The following HGF variants were observed in gnomAD, a reference collection of about 807,000 sequenced individuals.
The protein encoded by HGF is fibroblast-derived tumor cytotoxic factor.
HGF carries 39 observed loss-of-function variants against 111.6 expected under a neutral mutation model. The ratio of observed to expected loss-of-function variants is 0.35; its 90% CI spans 0.27 to 0.46. HGF has a LOEUF of 0.46. Among genes scored for constraint, HGF ranks in the 20% least tolerant of loss-of-function variants. HGF has a pLI of 1.00. For synonymous variants in HGF, 285 were observed against 294.8 expected (o/e 0.97, Z 0.34); for missense variants, 735 against 910.5 (o/e 0.81, Z 2.48).
intron 4 of HGF, among the ~76,000 whole-genome samples, chr7:81,754,348 A>G (rs1417218626): frequency 2.6e-5 from 4 of 151,990 alleles, no homozygotes; most frequent in Non-Finnish European, 5.9e-5. Flanking sequence ...AGTTTGAGAG[A>G]GGATTTTTGT....
chr7:81,711,415 A>C, intron 12 of HGF, 66 bp downstream of exon 12: 1 of 830,334 alleles, frequency 1.2e-6, no homozygotes, highest in South Asian at 1.9e-5. Context: ...TTTGAAAGAA[A>C]TAATGACACT....
At chr7:81,739,169 A>G (rs1562889310) in intron 7 of HGF, among the ~76,000 whole-genome samples, 1 of 151,950 alleles carries the variant, frequency 6.6e-6, no homozygotes, top group African/African-American at 2.4e-5. Flanking sequence ...TCCCTATCCC[A>G]TTTCCTAGTA....
At chr7:81,741,938 CAAAAAAAAAAAAA>C (rs71520767) in intron 7 of HGF, among the ~76,000 whole-genome samples, 3 of 46,336 alleles carry the variant, frequency 6.5e-5, no homozygotes, top group African/African-American at 2.4e-4. Flanking sequence ...AACTCCATCT[CAAAAAAAAAAAAA>C]AAAAAAAAAA....
At chr7:81,750,899 G>A (rs766533113) in intron 5 of HGF, 30 of 839,608 alleles carry the variant, frequency 3.6e-5, no homozygotes, top group Admixed American at 6.2e-5. Context: ...TGTTCAAAAC[G>A]TGATCATAGA....
At chr7:81,757,683 ACC>A (rs1237856021) in intron 3 of HGF, among the ~76,000 whole-genome samples, 4 of 152,172 alleles carry the variant, frequency 2.6e-5, no homozygotes, top group Non-Finnish European at 4.4e-5. Context: ...TCAAAAAGTT[ACC>A]TAAGATAATT....
In HGF at chr7:81,729,709, G is replaced by A. The variant is rs773660386; in HGVS notation, c.936C>T (p.Gly312=). The change falls in exon 8 of 18, where the codon GGC becomes GGT. Residue 312 remains glycine, a synonymous_variant. Coordinates refer to ENST00000222390, the MANE Select transcript of HGF (RefSeq NM_000601.6). ...TTECIQGQGE[G]YRGTVNTIWN... is the part of the protein sequence containing the mutation. ...AAATGGTATTGACAGTGCCCCTGTA[G>A]CCTTCTCCTTGACCTTGGATGCATT... The A allele has an allele frequency of 6.2e-7, 1 of 1,613,604 alleles. No homozygotes were observed. The highest frequency in any genetic ancestry group is 1.1e-5 in the South Asian group (1 of 91,072).
chr7:81,709,867 T>C (rs567802522), intron 13 of HGF, among the ~76,000 whole-genome samples: 10 of 152,144 alleles, frequency 6.6e-5, no homozygotes, highest in Non-Finnish European at 1.0e-4. Flanking sequence ...TCCTCCGTAT[T>C]TTGCTTAATC....
intron 7 of HGF, chr7:81,742,942 T>A: frequency 6.2e-7 from 1 of 1,612,962 alleles, no homozygotes; most frequent in Non-Finnish European, 8.5e-7. Context: ...AGAGCCCATG[T>A]TATGTCTCTG....
chr7:81,759,967 T>A (rs1788985304), intron 2 of HGF, among the ~76,000 whole-genome samples: 1 of 152,192 alleles, frequency 6.6e-6, no homozygotes, highest in African/African-American at 2.4e-5. Context: ...ATAAATTTGT[T>A]TTTAAGTGAT....
chr7:81,706,974 G>GA (rs59586842), intron 14 of HGF, among the ~76,000 whole-genome samples: 10,662 of 147,344 alleles, frequency 0.072, 1,247 homozygotes, highest in African/African-American at 0.25. Context: ...TGACAATTTA[G>GA]AAAAAAAAAA....
At chr7:81,721,073 G>A (rs1789844978) in intron 9 of HGF, among the ~76,000 whole-genome samples, 1 of 152,046 alleles carries the variant, frequency 6.6e-6, no homozygotes, top group Admixed American at 6.6e-5. Flanking sequence ...GTGAAACCCT[G>A]TCTCTACTTT....
intron 5 of HGF, among the ~76,000 whole-genome samples, chr7:81,747,427 G>C (rs1788314531): frequency 6.6e-6 from 1 of 152,164 alleles, no homozygotes; most frequent in Non-Finnish European, 1.5e-5. Flanking sequence ...ATAGATGAGA[G>C]TTGGATAAAT....
chr7:81,769,870 A>G lies in HGF; in HGVS notation c.88+14T>C, dbSNP rs763175650. Reference sequence around the variant, plus strand: ...ATACTAATACTAATAATGAAGAAGAAGAAGGGAACTAACCTGCATAGGGGA... The same window carrying G: ...ATACTAATACTAATAATGAAGAAGAGGAAGGGAACTAACCTGCATAGGGGA... On this transcript the variant is annotated intron_variant, in intron 1 of 17. Coordinates refer to ENST00000222390, the MANE Select transcript of HGF (RefSeq NM_000601.6). The G allele has an allele frequency of 4.5e-6, 7 of 1,546,418 alleles. No individual in the cohort carries two copies. The highest frequency in any genetic ancestry group is 6.1e-6 in the Non-Finnish European group (7 of 1,139,792).
intron 1 of HGF, among the ~76,000 whole-genome samples, chr7:81,768,684 A>G (rs1207804330): frequency 6.6e-6 from 1 of 152,128 alleles, no homozygotes; most frequent in Admixed American, 6.5e-5. Context: ...CGACCCTGTG[A>G]AGCGATTTTA....
intron 13 of HGF, among the ~76,000 whole-genome samples, chr7:81,707,768 A>T (rs1304957222): frequency 2.0e-5 from 3 of 152,166 alleles, no homozygotes; most frequent in African/African-American, 7.2e-5. Flanking sequence ...TTAAAAATGC[A>T]AAGTTGAGTT....
chr7:81,724,921 G>A (rs1342308493), intron 9 of HGF, among the ~76,000 whole-genome samples: 1 of 152,182 alleles, frequency 6.6e-6, no homozygotes, highest in Non-Finnish European at 1.5e-5. Context: ...CCCTGAGGCA[G>A]TTATCTTCAA....
intron 2 of HGF, among the ~76,000 whole-genome samples, chr7:81,759,661 C>T (rs1260840491): frequency 3.9e-5 from 6 of 152,002 alleles, no homozygotes; most frequent in South Asian, 2.1e-4. Flanking sequence ...CCCACCACCA[C>T]GCCTCGCTAA....
chr7:81,765,672 T>C (rs1170152427), intron 1 of HGF, among the ~76,000 whole-genome samples: 3 of 152,188 alleles, frequency 2.0e-5, no homozygotes, highest in Admixed American at 2.0e-4. Context: ...CACACATCTA[T>C]AAAATTAATT....
chr7:81,745,396 C>T (rs961242697), intron 5 of HGF, among the ~76,000 whole-genome samples: 1 of 152,108 alleles, frequency 6.6e-6, no homozygotes, highest in Non-Finnish European at 1.5e-5. Flanking sequence ...CAATAACTGT[C>T]TCAAAGGTAT....
Sources: allele counts gnomAD v4.1 joint callset (sites outside exome capture counted in the v4.1 genomes callset), GRCh38; gene constraint gnomAD v4.1.1; transcripts MANE v1.5; gene names NCBI Gene and HGNC (gene_info 2026-07-23, HGNC 2026-07-21).